UGT1A6: variants seen among roughly 807,000 people sequenced by gnomAD.
UGT1A6 encodes UDP glucuronosyltransferase family 1 member A6, also known as UDP-glucuronosyltransferase 1A6.
In UGT1A6, 32 loss-of-function variants were observed where a neutral mutation model predicts 44.4. That is an observed-to-expected ratio of 0.72 (90% CI 0.54 to 0.97). The LOEUF (loss-of-function observed/expected upper bound fraction) is 0.97. Among genes scored for constraint, UGT1A6 ranks in the 50% least tolerant of loss-of-function variants. The pLI is 0.00. For synonymous variants in UGT1A6, 238 were observed against 248.5 expected (o/e 0.96, Z 0.40); for missense variants, 685 against 661.9 (o/e 1.03, Z -0.38).
rs192933567 is a variant in UGT1A6, at chr2:233,772,247, T to G, written c.1302-15T>G. On this transcript the variant is annotated splice_polypyrimidine_tract_variant and intron_variant, in intron 4 of 4. Transcript: ENST00000305139. ...ACAGGTGTTCCAGGCATAACGAAAC[T>G]GTCTTTGTGTTTAGTTACAAGGAGA... The G allele has an allele frequency of 2.9e-5, 47 of 1,614,208 alleles. No homozygotes were observed. The East Asian group carries it at 1.0e-3, about 35-fold the overall frequency.
intron 1 of UGT1A6, among the ~76,000 whole-genome samples, chr2:233,762,877 CTT>C (rs1394473755): frequency 6.6e-6 from 1 of 152,136 alleles, no homozygotes; most frequent in East Asian, 1.9e-4. Flanking sequence ...GGTTTCTTCT[CTT>C]ATAAATTCCA....
chr2:233,711,236 A>G (rs1269842437), intron 1 of UGT1A6, among the ~76,000 whole-genome samples: 2 of 152,194 alleles, frequency 1.3e-5, no homozygotes, highest in Non-Finnish European at 2.9e-5. Flanking sequence ...TGAAGGCACC[A>G]CCATCTTCCA....
chr2:233,717,714 T>G, intron 1 of UGT1A6: 2 of 453,348 alleles, frequency 4.4e-6, no homozygotes, highest in South Asian at 1.6e-5. Flanking sequence ...ACGAGCCTCA[T>G]GGGCATGAGA....
intron 2 of UGT1A6, 93 bp downstream of exon 2, chr2:233,767,258 C>T (rs1454742513): frequency 1.3e-6 from 2 of 1,592,782 alleles, no homozygotes; most frequent in African/African-American, 1.3e-5. Context: ...TTAATTGGAA[C>T]CTTAGATTTG....
At chr2:233,753,112 C>T (rs1267815033) in intron 1 of UGT1A6, 1 of 152,194 alleles carries the variant, frequency 6.6e-6, no homozygotes, top group African/African-American at 2.4e-5. Context: ...CAAACCCATC[C>T]CCAGCAAACT....
chr2:233,701,346 A>T (rs148707887), intron 1 of UGT1A6, among the ~76,000 whole-genome samples: 1 of 152,088 alleles, frequency 6.6e-6, no homozygotes, highest in African/African-American at 2.4e-5. Flanking sequence ...ACAGTGTAAA[A>T]GTTCTTAGAG....
At chr2:233,707,276 C>T (rs1319518322) in intron 1 of UGT1A6, among the ~76,000 whole-genome samples, 1 of 152,048 alleles carries the variant, frequency 6.6e-6, no homozygotes, top group African/African-American at 2.4e-5. Flanking sequence ...ATTTTAAGTT[C>T]CAGGGCACAC....
Position 233,772,664 on chromosome 2 carries a change from C to G in UGT1A6, c.*105C>G, listed in dbSNP as rs1700540961. 1.9e-6 allele frequency: 3 copies of G among 1,539,532 alleles called. No individual in the cohort carries two copies. Among genetic ancestry groups the G allele is most frequent in the Non-Finnish European group, 2.6e-6 (3 of 1,144,204 alleles). ...TCATTTTATTCTTATTAAGGAAATA[C>G]TTTGCATAAATTAATCAGCCCCAGA... On this transcript the variant is annotated 3_prime_UTR_variant, in exon 5 of 5. Coordinates refer to ENST00000305139, the MANE Select transcript of UGT1A6 (RefSeq NM_001072.4).
At chr2:233,768,790 G>C (rs1021832155) in intron 4 of UGT1A6, among the ~76,000 whole-genome samples, 1 of 152,024 alleles carries the variant, frequency 6.6e-6, no homozygotes, top group Admixed American at 6.6e-5. Context: ...CACCATGTTT[G>C]TCAGGCTGGT....
chr2:233,733,594 G>A (rs1409734181), intron 1 of UGT1A6, among the ~76,000 whole-genome samples: 1 of 152,164 alleles, frequency 6.6e-6, no homozygotes, highest in African/African-American at 2.4e-5. Context: ...TTCTGTTTAT[G>A]TGATGGATTA....
chr2:233,715,885 C>G (rs1236861095), intron 1 of UGT1A6, among the ~76,000 whole-genome samples: 4 of 152,204 alleles, frequency 2.6e-5, no homozygotes, highest in African/African-American at 7.2e-5. Flanking sequence ...GTGGCCCCAG[C>G]TACTTGGGAG....
intron 1 of UGT1A6, among the ~76,000 whole-genome samples, chr2:233,710,808 C>A (rs1646054094): frequency 6.6e-6 from 1 of 152,170 alleles, no homozygotes; most frequent in Non-Finnish European, 1.5e-5. Flanking sequence ...CCCTCGTGCC[C>A]TATCTAAGGA....
chr2:233,761,293 G>A, intron 1 of UGT1A6: 1 of 1,522,614 alleles, frequency 6.6e-7, no homozygotes, highest in African/African-American at 1.4e-5. Context: ...TTGACTCCTA[G>A]GTTTGAGTCT....
intron 1 of UGT1A6, among the ~76,000 whole-genome samples, chr2:233,722,234 T>C (rs551912066): frequency 1.3e-5 from 2 of 152,362 alleles, no homozygotes; most frequent in East Asian, 1.9e-4. Flanking sequence ...ATCTTTATCA[T>C]GTATTATCTG....
chr2:233,729,914 T>C (rs774517230), intron 1 of UGT1A6: 73 of 1,613,908 alleles, frequency 4.5e-5, no homozygotes, highest in Non-Finnish European at 5.8e-5. Context: ...GACTTTGTGA[T>C]GGACTACCCC....
intron 1 of UGT1A6, among the ~76,000 whole-genome samples, chr2:233,707,431 T>G (rs1252673203): frequency 1.3e-5 from 2 of 152,174 alleles, no homozygotes; most frequent in Non-Finnish European, 2.9e-5. Flanking sequence ...TTCTTTGCTT[T>G]TCTTTACAAT....
At chr2:233,761,160 T>C (rs1333134836) in intron 1 of UGT1A6, 2 of 1,614,242 alleles carry the variant, frequency 1.2e-6, no homozygotes, top group Non-Finnish European at 8.5e-7. Flanking sequence ...AGGTGTGTAT[T>C]GGAGTGGGAC....
chr2:233,712,580 A>G (rs1406304972), intron 1 of UGT1A6, among the ~76,000 whole-genome samples: 1 of 152,234 alleles, frequency 6.6e-6, no homozygotes, highest in Non-Finnish European at 1.5e-5. Flanking sequence ...GGTCACATCC[A>G]GCAGAGACCA....
intron 1 of UGT1A6, chr2:233,760,695 C>T: frequency 1.9e-6 from 3 of 1,614,208 alleles, no homozygotes; most frequent in Non-Finnish European, 2.5e-6. Context: ...ACAAGGAGCT[C>T]ATGGCCTCCC....
Sources: allele counts gnomAD v4.1 joint callset (sites outside exome capture counted in the v4.1 genomes callset), GRCh38; gene constraint gnomAD v4.1.1; transcripts MANE v1.5; gene names NCBI Gene and HGNC (gene_info 2026-07-23, HGNC 2026-07-21).